The following LCE3D variants were observed in gnomAD, a reference collection of about 807,000 sequenced individuals.
LCE3D encodes the protein late cornified envelope 3D.
For missense variants in LCE3D, 124 were observed against 121.1 expected, an observed-to-expected ratio of 1.02 and a Z score of -0.11; for synonymous variants, 46 against 47.3, an observed-to-expected ratio of 0.97 and a Z score of 0.11.
Position 152,579,699 on chromosome 1 carries a change from C to G in LCE3D, c.238G>C (p.Gly80Arg), listed in dbSNP as rs746626130. 1 of 1,613,876 alleles carries G rather than the reference C, an allele frequency of 6.2e-7. No homozygotes were observed. The highest frequency in any genetic ancestry group is 8.5e-7 in the Non-Finnish European group (1 of 1,180,020). Residue 80 changes from glycine to arginine, a missense_variant, in exon 2 of 2, where the codon GGG becomes CGG. Transcript: ENST00000368787. ...SCDRGSGQQG[G>R]GSGCGHGSGG... ...GAGCCATGGCCGCAGCCAGAGCCCC[C>G]GCCTTGCTGACCACTGCCCCTGTCA...
Position 152,579,562 on chromosome 1 carries a change from G to C in LCE3D, c.*96C>G. 1 of 1,566,352 alleles carries C rather than the reference G, an allele frequency of 6.4e-7. No individual in the cohort carries two copies. The highest frequency in any genetic ancestry group is 8.7e-7 in the Non-Finnish European group (1 of 1,151,546). On this transcript the variant is annotated 3_prime_UTR_variant, in exon 2 of 2. Coordinates refer to ENST00000368787, the MANE Select transcript of LCE3D (RefSeq NM_032563.2). ...AGCTCAGCCTGTGAAAGCCAGAAGA[G>C]GGTATCTGGGAACTCATGCATCAAG... is the stretch of plus-strand genomic sequence containing the variant.
rs199913123 is a variant in LCE3D, at chr1:152,579,747, G to A, written c.190C>T (p.Arg64Trp). The A allele has an allele frequency of 5.8e-5, 94 of 1,613,830 alleles. No individual in the cohort carries two copies. Among genetic ancestry groups the A allele is most frequent in the East Asian group, 3.1e-4 (14 of 44,862 alleles). Residue 64 changes from arginine (R) to tryptophan (W), a missense_variant, in exon 2 of 2, where the codon CGG becomes TGG. Coordinates refer to ENST00000368787, the MANE Select transcript of LCE3D (RefSeq NM_032563.2). ...LNHHRRHHRC[R>W]RQRPNSCDRG... ...TCACAGGAGTTGGGCCTCTGGCGCC[G>A]GCATCGGTGGTGGCGCCTGTGGTGG... is the stretch of plus-strand genomic sequence containing the variant.
Position 152,580,482 on chromosome 1 carries a change from G to A in LCE3D, c.-35C>T, listed in dbSNP as rs1173553999. 1 of 166,254 alleles carries A rather than the reference G, an allele frequency of 6.0e-6. No individual in the cohort carries two copies. The highest frequency in any genetic ancestry group is 5.7e-5 in the Admixed American group (1 of 17,632). 10.3% of individuals were successfully genotyped at this position (166,254 alleles called of 1,614,324 possible). A position where few individuals can be genotyped will look rare whatever the true frequency, so the allele number is the denominator to read the frequency against. ...CTGGACACTCACCAGGTGCAGAGGA[G>A]GCAGGAGAAGGCTGTTCCTGAGGAG... is the stretch of plus-strand genomic sequence containing the variant. On this transcript the variant is annotated 5_prime_UTR_variant, in exon 1 of 2. Transcript: ENST00000368787.
chr1:152,579,508 G>T lies in LCE3D; in HGVS notation c.*150C>A. ...TCAGACAGGAAGTGCCTTCTGGGGA[G>T]AGCTCAGACCTTCCACAGGAAAACC... is the stretch of plus-strand genomic sequence containing the variant. On this transcript the variant is annotated 3_prime_UTR_variant, in exon 2 of 2. Coordinates refer to ENST00000368787, the MANE Select transcript of LCE3D (RefSeq NM_032563.2). 8.2e-7 allele frequency: 1 copy of T among 1,213,280 alleles called. No individual in the cohort carries two copies. The highest frequency in any genetic ancestry group is 1.2e-6 in the Non-Finnish European group (1 of 867,576). The allele number at this position is 1,213,280 out of a possible 1,614,324, so 75.2% of individuals were successfully genotyped here.
rs1424025356 is a variant in LCE3D at position 152,579,448 on chromosome 1, G to A, written c.*210C>T. The A allele has an allele frequency of 1.1e-5, 8 of 715,954 alleles. No individual in the cohort carries two copies. The highest frequency in any genetic ancestry group is 5.9e-5 in the Admixed American group (2 of 33,930). 44.4% of individuals were successfully genotyped at this position (715,954 alleles called of 1,614,324 possible). On this transcript the variant is annotated 3_prime_UTR_variant, in exon 2 of 2. Coordinates refer to ENST00000368787, the MANE Select transcript of LCE3D (RefSeq NM_032563.2). ...CACAAGCACTGCCAATCCTTCACAG[G>A]TACAGGGGTAAGGGAACATGTGACA... is the stretch of plus-strand genomic sequence containing the variant.
chr1:152,580,106 A>T, intron 1 of LCE3D, 149 bp from the exon 2 acceptor site: 1 of 926,672 alleles, frequency 1.1e-6, no homozygotes. Context: ...TTTGTTCTCC[A>T]CCAGGGACAG....
At chr1:152,580,081 C>A in intron 1 of LCE3D, 124 bp from the exon 2 acceptor site, 1 of 1,133,094 alleles carries the variant, frequency 8.8e-7, no homozygotes, top group Non-Finnish European at 1.3e-6. Context: ...GTGGGACATG[C>A]CAGATGCCTC....
At position 152,579,915 on chromosome 1, in the gene LCE3D, G is replaced by C. The variant is rs141162662; in HGVS notation, c.22C>G (p.Gln8Glu). Residue 8 changes from glutamine to glutamate, a missense_variant, in exon 2 of 2, where the codon CAG (glutamine) becomes GAG (glutamate). By Grantham distance (29) the Gln-to-Glu change is conservative. Transcript: ENST00000368787. The part of the protein sequence containing the change: MSCQQNQ[Q>E]QCQPPPKCPS... The stretch of plus-strand genomic sequence containing the variant: ...CACTTGGGTGGGGGTTGGCACTGCT[G>C]CTGGTTCTGCTGGCAGGACATCTTG... 10 of 1,613,918 alleles carry C rather than the reference G, an allele frequency of 6.2e-6. No homozygotes were observed. In the South Asian group the frequency reaches 1.1e-4, roughly 18 times the overall value.
At chr1:152,580,345 T>C (rs544701972) in intron 1 of LCE3D, 124 bp downstream of exon 1, 2 of 237,586 alleles carry the variant, frequency 8.4e-6, no homozygotes, top group East Asian at 2.2e-4. Flanking sequence ...CCCACATTGG[T>C]ACCCTCTCTG....
chr1:152,579,992 C>G (rs1660188462), intron 1 of LCE3D, 35 bp from the exon 2 acceptor site: 1 of 1,612,852 alleles, frequency 6.2e-7, no homozygotes, highest in African/African-American at 1.3e-5. Context: ...AGTCCAAAAT[C>G]TACAGTCCAA....
At chr1:152,580,326 G>A in intron 1 of LCE3D, 143 bp downstream of exon 1, 2 of 251,780 alleles carry the variant, frequency 7.9e-6, no homozygotes, top group Non-Finnish European at 7.6e-6. Context: ...CTCCCTCCTG[G>A]CCCCAGTTCC....
chr1:152,579,958 C>T lies in LCE3D; in HGVS notation c.-21-1G>A. 6.2e-7 allele frequency: 1 copy of T among 1,613,848 alleles called. No homozygotes were observed. The highest frequency in any genetic ancestry group is 1.1e-5 in the South Asian group (1 of 91,080). Reference sequence around the variant, plus strand: ...ACATCTTGGCAGGAGTTGAGTTGTCCTGGACAAAACAAAGCCATTTGTTAG... The same window carrying T: ...ACATCTTGGCAGGAGTTGAGTTGTCTTGGACAAAACAAAGCCATTTGTTAG... On this transcript the variant is annotated splice_acceptor_variant, in intron 1 of 1. Coordinates refer to ENST00000368787, the MANE Select transcript of LCE3D (RefSeq NM_032563.2). LOFTEE classifies it low-confidence loss of function (5UTR_SPLICE).
rs759146970 is a variant in LCE3D at position 152,579,876 on chromosome 1, A to G, written c.61T>C (p.Cys21Arg). Residue 21 changes from cysteine (C) to arginine (R), a missense_variant, in exon 2 of 2, where the codon TGT becomes CGT. Physicochemically the swap from Cys to Arg is radical, Grantham distance 180 (BLOSUM62 -3). Coordinates refer to ENST00000368787, the MANE Select transcript of LCE3D (RefSeq NM_032563.2). The part of the protein sequence containing the change: ...QPPPKCPSPK[C>R]PPKSPVQCLP... ...CACTGTACTGGGCTCTTTGGGGGAC[A>G]CTTGGGTGAGGGACACTTGGGTGGG... 1.9e-6 allele frequency: 3 copies of G among 1,613,858 alleles called. No homozygotes were observed. In the South Asian group the frequency reaches 3.3e-5, roughly 18 times the overall value.
Position 152,579,400 on chromosome 1 carries a change from C to G in LCE3D, c.*258G>C. On this transcript the variant is annotated 3_prime_UTR_variant, in exon 2 of 2. Transcript: ENST00000368787. ...CACCAGTGGTAATGAGGACAAGGAG[C>G]TTTATTTTTTGATGAGGTCAGGCAC... 1 of 587,760 alleles carries G rather than the reference C, an allele frequency of 1.7e-6. No individual in the cohort carries two copies. Among genetic ancestry groups the G allele is most frequent in the Middle Eastern group, 4.5e-4 (1 of 2,202 alleles). The allele number at this position is 587,760 out of a possible 1,614,324, so 36.4% of individuals were successfully genotyped here.
In LCE3D at chr1:152,579,398, A is replaced by G; in HGVS notation, c.*260T>C. On this transcript the variant is annotated 3_prime_UTR_variant, in exon 2 of 2. Coordinates refer to ENST00000368787, the MANE Select transcript of LCE3D (RefSeq NM_032563.2). The stretch of plus-strand genomic sequence containing the variant: ...GACACCAGTGGTAATGAGGACAAGG[A>G]GCTTTATTTTTTGATGAGGTCAGGC... The G allele has an allele frequency of 1.7e-6, 1 of 581,802 alleles. No individual in the cohort carries two copies. The highest frequency in any genetic ancestry group is 3.0e-6 in the Non-Finnish European group (1 of 331,264). The allele number at this position is 581,802 out of a possible 1,614,324, so 36.0% of individuals were successfully genotyped here. A position where few individuals can be genotyped will look rare whatever the true frequency, so the allele number is the denominator to read the frequency against.
Position 152,579,948 on chromosome 1 carries a change from T to C in LCE3D, c.-12A>G, listed in dbSNP as rs1224898130. ...TGCTGGCAGGACATCTTGGCAGGAGTTGAGTTGTCCTGGACAAAACAAAGC... is the reference window on the plus strand; with the variant it reads ...TGCTGGCAGGACATCTTGGCAGGAGCTGAGTTGTCCTGGACAAAACAAAGC... On this transcript the variant is annotated 5_prime_UTR_variant, in exon 2 of 2. Coordinates refer to ENST00000368787, the MANE Select transcript of LCE3D (RefSeq NM_032563.2). 6.2e-7 allele frequency: 1 copy of C among 1,613,610 alleles called. No homozygotes were observed. Among genetic ancestry groups the C allele is most frequent in the Admixed American group, 1.7e-5 (1 of 59,662 alleles).
chr1:152,579,870 G>A lies in LCE3D; in HGVS notation c.67C>T (p.Pro23Ser), dbSNP rs762740578. 7 of 1,613,892 alleles carry A rather than the reference G, an allele frequency of 4.3e-6. No homozygotes were observed. Among genetic ancestry groups the A allele is most frequent in the Non-Finnish European group, 5.9e-6 (7 of 1,180,038 alleles). Reference protein sequence around the residue: ...PPKCPSPKCPPKSPVQCLPPA... With the variant: ...PPKCPSPKCPSKSPVQCLPPA... ...GGCAGACACTGTACTGGGCTCTTTG[G>A]GGGACACTTGGGTGAGGGACACTTG... Residue 23 changes from proline to serine, a missense_variant, in exon 2 of 2, where the codon CCA becomes TCA. Physicochemically the swap from Pro to Ser is moderately conservative, Grantham distance 74. Coordinates refer to ENST00000368787, the MANE Select transcript of LCE3D (RefSeq NM_032563.2).
chr1:152,579,973 C>T lies in LCE3D; in HGVS notation c.-21-16G>A, dbSNP rs1660187705. On this transcript the variant is annotated splice_polypyrimidine_tract_variant and intron_variant, in intron 1 of 1. Coordinates refer to ENST00000368787, the MANE Select transcript of LCE3D (RefSeq NM_032563.2). ...TTGAGTTGTCCTGGACAAAACAAAG[C>T]CATTTGTTAGTCCAAAATCTACAGT... The T allele has an allele frequency of 4.3e-6, 7 of 1,613,664 alleles. No homozygotes were observed. Among genetic ancestry groups the T allele is most frequent in the Non-Finnish European group, 4.2e-6 (5 of 1,179,942 alleles).
intron 1 of LCE3D, 148 bp from the exon 2 acceptor site, chr1:152,580,105 C>T: frequency 4.3e-6 from 4 of 926,112 alleles, no homozygotes; most frequent in Admixed American, 2.7e-5. Context: ...CTTTGTTCTC[C>T]ACCAGGGACA....
Sources: allele counts gnomAD v4.1 joint callset, GRCh38; gene constraint gnomAD v4.1.1; transcripts MANE v1.5; gene names NCBI Gene and HGNC (gene_info 2026-07-23, HGNC 2026-07-21).